Variants in ARHGAP15 observed in about 807,000 individuals in gnomAD.
ARHGAP15 encodes the protein rho GTPase-activating protein 15.
A neutral mutation model predicts 63.7 loss-of-function variants in ARHGAP15; 51 were observed. The ratio of observed to expected loss-of-function variants is 0.80; its 90% CI spans 0.64 to 1.01. The LOEUF (loss-of-function observed/expected upper bound fraction) is 1.01, where lower values mean the gene tolerates loss of function less well. Ranked by LOEUF, ARHGAP15 falls within the 50% of genes least tolerant of loss-of-function variation. The pLI is 0.00. For synonymous variants in ARHGAP15, 191 were observed against 193.8 expected, an observed-to-expected ratio of 0.99 and a Z score of 0.12; for missense variants, 560 against 564.6, an observed-to-expected ratio of 0.99 and a Z score of 0.08.
At chr2:143,735,742 AGAAT>A (rs963764482) in intron 13 of ARHGAP15, among the ~76,000 whole-genome samples, 6 of 152,210 alleles carry the variant, frequency 3.9e-5, no homozygotes, top group Non-Finnish European at 7.3e-5. Flanking sequence ...AAGAAGAAGA[AGAAT>A]GACTAGAAGT....
intron 13 of ARHGAP15, among the ~76,000 whole-genome samples, chr2:143,754,038 G>C (rs10803498): frequency 2.0e-5 from 3 of 151,888 alleles, no homozygotes; most frequent in Non-Finnish European, 4.4e-5. Context: ...TGTAATTATT[G>C]TGCCAACATT....
intron 2 of ARHGAP15, among the ~76,000 whole-genome samples, chr2:143,193,155 T>C (rs2105094184): frequency 6.6e-6 from 1 of 152,260 alleles, no homozygotes; most frequent in African/African-American, 2.4e-5. Flanking sequence ...AGAGGACAGA[T>C]ATTGTACAAA....
intron 6 of ARHGAP15, among the ~76,000 whole-genome samples, chr2:143,268,194 T>A (rs2105040660): frequency 1.3e-5 from 2 of 151,870 alleles, no homozygotes; most frequent in Non-Finnish European, 2.9e-5. Context: ...TTTTTTCCAC[T>A]TTGAAGAGAT....
intron 12 of ARHGAP15, among the ~76,000 whole-genome samples, chr2:143,669,496 T>C (rs1682409398): frequency 6.6e-6 from 1 of 152,158 alleles, no homozygotes. Flanking sequence ...GGCTCAGACC[T>C]TTGAAGGACA....
At chr2:143,731,279 T>A (rs981416686) in intron 13 of ARHGAP15, among the ~76,000 whole-genome samples, 2 of 152,224 alleles carry the variant, frequency 1.3e-5, no homozygotes, top group Non-Finnish European at 2.9e-5. Context: ...TTCTAGGTCG[T>A]TAAATACAGT....
intron 9 of ARHGAP15, among the ~76,000 whole-genome samples, chr2:143,509,390 C>G (rs886267850): frequency 6.6e-6 from 1 of 151,150 alleles, no homozygotes; most frequent in African/African-American, 2.4e-5. Flanking sequence ...CAGTGCATGT[C>G]GTAGATTCAG....
At position 143,556,517 on chromosome 2, in the gene ARHGAP15, AAC is replaced by A. The variant is rs1695807057; in HGVS notation, c.1003+34_1003+35del. On this transcript the variant is annotated intron_variant, in intron 11 of 13. Transcript: ENST00000295095. Reference sequence around the variant, plus strand: ...GATTTCCACTTCAGAGATTTTTTCAAACAGTTTCATATGGAACAATATTTCAT... The same window carrying A: ...GATTTCCACTTCAGAGATTTTTTCAAAGTTTCATATGGAACAATATTTCAT... The A allele has an allele frequency of 6.5e-6, 10 of 1,537,244 alleles. No homozygotes were observed. The East Asian group carries it at 2.3e-4, about 35-fold the overall frequency.
chr2:143,763,925 TTAC>T (rs1274913433), intron 13 of ARHGAP15, among the ~76,000 whole-genome samples: 2 of 151,256 alleles, frequency 1.3e-5, no homozygotes, highest in African/African-American at 2.4e-5. Context: ...TTTTTTAAAG[TTAC>T]TACAAGTAAC....
At chr2:143,709,947 G>C (rs539568475) in intron 13 of ARHGAP15, among the ~76,000 whole-genome samples, 3 of 152,260 alleles carry the variant, frequency 2.0e-5, no homozygotes, top group South Asian at 2.1e-4. Context: ...GACGCTCTCT[G>C]CCTCCCATCC....
At chr2:143,429,521 A>G (rs1324240001) in intron 6 of ARHGAP15, among the ~76,000 whole-genome samples, 1 of 152,164 alleles carries the variant, frequency 6.6e-6, no homozygotes, top group Non-Finnish European at 1.5e-5. Context: ...CCATTAAATA[A>G]GAAATTGCTT....
At chr2:143,615,980 TAAAG>T (rs1698437790) in intron 11 of ARHGAP15, among the ~76,000 whole-genome samples, 1 of 152,228 alleles carries the variant, frequency 6.6e-6, no homozygotes, top group Admixed American at 6.5e-5. Flanking sequence ...AGAAAGGAAT[TAAAG>T]AAATATATAT....
intron 12 of ARHGAP15, among the ~76,000 whole-genome samples, chr2:143,632,783 G>C (rs558820009): frequency 4.6e-5 from 7 of 152,092 alleles, no homozygotes; most frequent in Non-Finnish European, 8.8e-5. Flanking sequence ...AGGTAATTGT[G>C]GGGGGAAAAG....
intron 8 of ARHGAP15, among the ~76,000 whole-genome samples, chr2:143,470,936 GTGTGTATATACACACATGTGTATCATA>G (rs1159659679): frequency 6.9e-6 from 1 of 144,376 alleles, no homozygotes; most frequent in Non-Finnish European, 1.5e-5. Context: ...GTGTATATAT[GTGTGTATATACACACATGTGTATCATA>G]TGTGTGTACA....
intron 11 of ARHGAP15, among the ~76,000 whole-genome samples, chr2:143,585,834 A>C (rs1697087485): frequency 1.3e-5 from 2 of 152,062 alleles, no homozygotes; most frequent in Admixed American, 6.6e-5. Flanking sequence ...GTTTGGTCTT[A>C]TTCTATGCTG....
At chr2:143,183,935 C>T (rs193059873) in intron 2 of ARHGAP15, among the ~76,000 whole-genome samples, 1 of 152,202 alleles carries the variant, frequency 6.6e-6, no homozygotes, top group East Asian at 1.9e-4. Flanking sequence ...GCTGTGATTG[C>T]CCTTGCTCTT....
chr2:143,177,473 G>A (rs963703180), intron 2 of ARHGAP15, among the ~76,000 whole-genome samples: 2 of 73,920 alleles, frequency 2.7e-5, no homozygotes, highest in Non-Finnish European at 6.3e-5. Flanking sequence ...TAAAAGTTTT[G>A]ACAACAGAAA....
chr2:143,152,010 A>G (rs1012153143), intron 1 of ARHGAP15, among the ~76,000 whole-genome samples: 2 of 151,806 alleles, frequency 1.3e-5, no homozygotes, highest in African/African-American at 4.8e-5. Context: ...ATTCATCTCC[A>G]TTCTCAATTC....
At chr2:143,333,804 A>G (rs1408309129) in intron 6 of ARHGAP15, among the ~76,000 whole-genome samples, 2 of 152,226 alleles carry the variant, frequency 1.3e-5, no homozygotes, top group African/African-American at 4.8e-5. Flanking sequence ...AACAGGAAAA[A>G]GATGGATACA....
At chr2:143,661,575 G>A (rs532453512) in intron 12 of ARHGAP15, among the ~76,000 whole-genome samples, 7 of 152,300 alleles carry the variant, frequency 4.6e-5, no homozygotes, top group South Asian at 2.1e-4. Context: ...GAGGAGCCAA[G>A]ATGGCCGAAT....
Sources: allele counts gnomAD v4.1 joint callset (sites outside exome capture counted in the v4.1 genomes callset), GRCh38; gene constraint gnomAD v4.1.1; transcripts MANE v1.5; gene names NCBI Gene and HGNC (gene_info 2026-07-23, HGNC 2026-07-21).